The following SEPTIN7 variants were observed in gnomAD, a reference collection of about 807,000 sequenced individuals.
SEPTIN7 encodes septin-7.
In SEPTIN7, 10 loss-of-function variants were observed where a neutral mutation model predicts 63.3. The ratio of observed to expected loss-of-function variants is 0.16; its 90% CI spans 0.10 to 0.27. SEPTIN7 has a LOEUF of 0.27. Among genes scored for constraint, SEPTIN7 ranks in the 10% least tolerant of loss-of-function variants. The probability of loss-of-function intolerance (pLI) is 1.00; values close to 1 mark genes in which losing one functional copy is unlikely to be tolerated. For missense variants in SEPTIN7, 310 were observed against 521.0 expected (o/e 0.59, Z 3.94); for synonymous variants, 131 against 165.3 (o/e 0.79, Z 1.59).
chr7:35,869,865 G>A (rs990480893), intron 4 of SEPTIN7, among the ~76,000 whole-genome samples: 10 of 152,252 alleles, frequency 6.6e-5, no homozygotes, highest in African/African-American at 2.4e-4. Flanking sequence ...AAATGCCCTT[G>A]ATTCATTCTT....
chr7:35,842,664 T>C (rs1784464813), intron 3 of SEPTIN7, among the ~76,000 whole-genome samples: 1 of 152,206 alleles, frequency 6.6e-6, no homozygotes, highest in Non-Finnish European at 1.5e-5. Context: ...TTTATATAAT[T>C]AGAAGTGTAC....
At position 35,801,232 on chromosome 7, in the gene SEPTIN7, C is replaced by A; in HGVS notation, c.23C>A (p.Ala8Asp). MSVSARS[A>D]AAEERSVNSS... ...GGGATGTCGGTCAGTGCGAGATCCG[C>A]TGCTGCTGAGGAGAGGAGCGTCAAC... is the stretch of plus-strand genomic sequence containing the variant. The change falls in exon 1 of 14, where the codon GCT (alanine) becomes GAT (aspartate). Residue 8 changes from alanine (A) to aspartate (D), a missense_variant. Transcript: ENST00000350320. The A allele has an allele frequency of 6.5e-7, 1 of 1,534,352 alleles. No homozygotes were observed. Among genetic ancestry groups the A allele is most frequent in the Non-Finnish European group, 8.8e-7 (1 of 1,141,422 alleles).
intron 9 of SEPTIN7, among the ~76,000 whole-genome samples, chr7:35,885,114 C>T (rs1787148375): frequency 6.6e-6 from 1 of 152,018 alleles, no homozygotes; most frequent in Non-Finnish European, 1.5e-5. Flanking sequence ...GCTCCTCCCA[C>T]ATCACGTCAC....
chr7:35,815,112 T>A (rs748818643), intron 1 of SEPTIN7: 13 of 418,252 alleles, frequency 3.1e-5, no homozygotes, highest in African/African-American at 1.5e-4. Context: ...GTGGCTCTTG[T>A]TCATCCTTTC....
downstream of SEPTIN7, among the ~76,000 whole-genome samples, chr7:35,910,529 A>T (rs924083457): frequency 3.3e-5 from 5 of 152,210 alleles, no homozygotes; most frequent in Non-Finnish European, 5.9e-5. Context: ...GATGCCCTAT[A>T]CTTCAGCTCA....
At chr7:35,845,777 G>A (rs1260267413) in intron 3 of SEPTIN7, among the ~76,000 whole-genome samples, 1 of 151,982 alleles carries the variant, frequency 6.6e-6, no homozygotes, top group Non-Finnish European at 1.5e-5. Context: ...ACTGTGTCAG[G>A]TATTTAATGT....
At chr7:35,831,987 C>CT (rs1318266735) in intron 2 of SEPTIN7, 1 of 372,010 alleles carries the variant, frequency 2.7e-6, no homozygotes, top group East Asian at 9.3e-5. Context: ...CAATGAGACT[C>CT]TGCTTATTCA....
chr7:35,819,982 C>CTT (rs556829718), intron 1 of SEPTIN7, among the ~76,000 whole-genome samples: 3 of 140,668 alleles, frequency 2.1e-5, no homozygotes, highest in Non-Finnish European at 4.7e-5. Context: ...TACATCTTGT[C>CTT]TTTTTTTTTT....
chr7:35,893,243 G>A (rs1244869368), intron 11 of SEPTIN7, among the ~76,000 whole-genome samples: 2 of 151,742 alleles, frequency 1.3e-5, no homozygotes, highest in Admixed American at 6.6e-5. Context: ...CTATAGCAAC[G>A]TATTCTTTGA....
intron 11 of SEPTIN7, among the ~76,000 whole-genome samples, chr7:35,893,528 A>G (rs190515509): frequency 2.4e-4 from 36 of 152,288 alleles, no homozygotes; most frequent in African/African-American, 8.4e-4. Flanking sequence ...CTAAGTGTGT[A>G]GTAGGTTATA....
chr7:35,885,095 C>T (rs1787146537), intron 9 of SEPTIN7, among the ~76,000 whole-genome samples: 1 of 152,042 alleles, frequency 6.6e-6, no homozygotes, highest in African/African-American at 2.4e-5. Context: ...AGTGATCCTC[C>T]CACATCATGC....
intron 4 of SEPTIN7, among the ~76,000 whole-genome samples, chr7:35,867,411 G>A (rs1406773274): frequency 2.6e-5 from 4 of 152,118 alleles, no homozygotes; most frequent in Admixed American, 6.5e-5. Flanking sequence ...GTATAGTGGC[G>A]CGATCTCGGT....
chr7:35,832,009 C>T (rs774795845), intron 2 of SEPTIN7: 1 of 427,342 alleles, frequency 2.3e-6, no homozygotes, highest in East Asian at 7.8e-5. Context: ...ATAGTCTTAA[C>T]TACGGACAGC....
intron 3 of SEPTIN7, chr7:35,846,693 G>A (rs990265916): frequency 1.3e-5 from 2 of 155,740 alleles, no homozygotes; most frequent in African/African-American, 4.8e-5. Flanking sequence ...TATCTGGAGA[G>A]TTCAGAGTTC....
chr7:35,801,006 C>G (rs748057565), upstream of SEPTIN7: 10 of 447,060 alleles, frequency 2.2e-5, no homozygotes, highest in African/African-American at 4.1e-5. Context: ...CCAGCCTCCG[C>G]TAGGCCCGGA....
At chr7:35,832,092 TACTC>T (rs1313996955) in intron 2 of SEPTIN7, 1 of 454,226 alleles carries the variant, frequency 2.2e-6, no homozygotes, top group East Asian at 7.0e-5. Context: ...TTCTTTCAGT[TACTC>T]ACGAAACTAT....
At chr7:35,892,385 A>G (rs561911722) in intron 11 of SEPTIN7, among the ~76,000 whole-genome samples, 10 of 152,138 alleles carry the variant, frequency 6.6e-5, no homozygotes, top group Non-Finnish European at 1.3e-4. Context: ...ACAAAAATGT[A>G]AGGACCCATC....
chr7:35,871,458 CA>C (rs1256692682), intron 4 of SEPTIN7, among the ~76,000 whole-genome samples: 1 of 152,128 alleles, frequency 6.6e-6, no homozygotes, highest in Non-Finnish European at 1.5e-5. Flanking sequence ...ACTAAGTAGC[CA>C]CATGGACAAG....
In SEPTIN7 at chr7:35,877,814, A is replaced by G. The variant is rs528781931; in HGVS notation, c.513-2009A>G. ...GTGCTGAGGATACAGATAAATTGAG[A>G]TAAGGCCCTCGCTGTAGAGGGTATT... On this transcript the variant is annotated intron_variant, in intron 6 of 13. Coordinates refer to ENST00000350320, the MANE Select transcript of SEPTIN7 (RefSeq NM_001788.6). Among the ~76,000 whole-genome samples, 246 of 152,302 alleles carry G rather than the reference A, an allele frequency of 1.6e-3. 2 individuals carry two copies. Among genetic ancestry groups the G allele is most frequent in the African/African-American group, 5.8e-3 (239 of 41,560 alleles).
Sources: allele counts gnomAD v4.1 joint callset (sites outside exome capture counted in the v4.1 genomes callset), GRCh38; gene constraint gnomAD v4.1.1; transcripts MANE v1.5; gene names NCBI Gene and HGNC (gene_info 2026-07-23, HGNC 2026-07-21).